ASPRV1: variants seen among roughly 807,000 people sequenced by gnomAD.
The protein encoded by ASPRV1 is aspartic peptidase retroviral like 1.
In ASPRV1, 7 loss-of-function variants were observed where a neutral mutation model predicts 11.0. The ratio of observed to expected loss-of-function variants is 0.64; its 90% CI spans 0.36 to 1.20. ASPRV1 has a LOEUF of 1.20. Among genes scored for constraint, ASPRV1 ranks in the 50% most tolerant of loss-of-function variants. The pLI is 0.02. For missense variants in ASPRV1, 299 were observed against 320.0 expected, an observed-to-expected ratio of 0.93 and a Z score of 0.50; for synonymous variants, 136 against 138.4, an observed-to-expected ratio of 0.98 and a Z score of 0.12.
At chr2:70,017,560 T>C in the ASPRV1 span, among the ~76,000 whole-genome samples, 4 of 152,030 alleles carry the variant, frequency 2.6e-5, no homozygotes, top group African/African-American at 9.7e-5. Flanking sequence ...GAGAAAGAAA[T>C]AAAATTTGTC....
At chr2:70,060,791 G>A in the ASPRV1 span, among the ~76,000 whole-genome samples, 2 of 152,212 alleles carry the variant, frequency 1.3e-5, no homozygotes, top group East Asian at 1.9e-4. Flanking sequence ...ACTCCAGCCC[G>A]GGCAACAAGA....
At chr2:69,997,975 T>C in the ASPRV1 span, 2 of 152,326 alleles carry the variant, frequency 1.3e-5, no homozygotes, top group Non-Finnish European at 2.9e-5. Context: ...TCTACTCCCA[T>C]TTTACAGTTG....
the ASPRV1 span, among the ~76,000 whole-genome samples, chr2:69,991,015 G>A: frequency 1.5e-4 from 23 of 152,256 alleles, no homozygotes; most frequent in Admixed American, 1.4e-3. Context: ...CTCCTCAAAC[G>A]TGGCCTGCTG....
At chr2:70,086,395 G>C in the ASPRV1 span, 1 of 152,276 alleles carries the variant, frequency 6.6e-6, no homozygotes, top group African/African-American at 2.4e-5. Flanking sequence ...GTCTGGCTTA[G>C]CCCAAGGAGG....
chr2:69,948,854 C>T, the ASPRV1 span, among the ~76,000 whole-genome samples: 1 of 152,128 alleles, frequency 6.6e-6, no homozygotes, highest in Non-Finnish European at 1.5e-5. Flanking sequence ...TCCCCCGCGG[C>T]GGGTCCCCAC....
chr2:69,955,459 C>T (rs1677916452), downstream of ASPRV1, among the ~76,000 whole-genome samples: 1 of 152,334 alleles, frequency 6.6e-6, no homozygotes, highest in African/African-American at 2.4e-5. Context: ...CCAATGGCCA[C>T]CCACACCTGG....
At chr2:70,086,509 A>AC in the ASPRV1 span, 2 of 151,466 alleles carry the variant, frequency 1.3e-5, no homozygotes, top group Non-Finnish European at 2.9e-5. Context: ...GCGGGCCCTG[A>AC]CGGGGCCGCC....
the ASPRV1 span, among the ~76,000 whole-genome samples, chr2:70,047,441 T>A: frequency 2.0e-5 from 3 of 152,214 alleles, no homozygotes; most frequent in Non-Finnish European, 4.4e-5. Flanking sequence ...AATGCCACCA[T>A]GAAACTGCCC....
chr2:70,031,175 T>G, the ASPRV1 span: 2 of 152,048 alleles, frequency 1.3e-5, no homozygotes, highest in Admixed American at 6.6e-5. Flanking sequence ...TATTTACTGG[T>G]TTTTTTCTAT....
At chr2:69,935,483 A>T in the ASPRV1 span, 2 of 1,528,814 alleles carry the variant, frequency 1.3e-6, no homozygotes, top group Non-Finnish European at 1.8e-6. Context: ...TATTGTTGGG[A>T]TGCTGCTTTA....
chr2:69,981,418 T>C, the ASPRV1 span, among the ~76,000 whole-genome samples: 1 of 152,248 alleles, frequency 6.6e-6, no homozygotes, highest in Non-Finnish European at 1.5e-5. Flanking sequence ...ATAAAATTTT[T>C]TAAACTATGT....
chr2:70,006,110 C>T, the ASPRV1 span, among the ~76,000 whole-genome samples: 3 of 152,206 alleles, frequency 2.0e-5, no homozygotes, highest in Non-Finnish European at 4.4e-5. Flanking sequence ...CATGCACATG[C>T]CCATGCCCAT....
downstream of ASPRV1, among the ~76,000 whole-genome samples, chr2:69,956,861 C>T (rs1572874078): frequency 2.6e-5 from 4 of 152,272 alleles, no homozygotes; most frequent in Admixed American, 2.6e-4. Flanking sequence ...AAACCCACAG[C>T]CCGAATCTCA....
the ASPRV1 span, among the ~76,000 whole-genome samples, chr2:70,018,718 C>CA: frequency 4.6e-5 from 7 of 152,136 alleles, no homozygotes; most frequent in African/African-American, 1.7e-4. Flanking sequence ...ACTGGATATT[C>CA]AAATACAGAA....
the ASPRV1 span, among the ~76,000 whole-genome samples, chr2:70,010,264 A>C: frequency 8.3e-4 from 126 of 152,248 alleles, 1 homozygote; most frequent in Non-Finnish European, 1.0e-3. Context: ...TGATAAGGGC[A>C]CAAGAGTCCA....
chr2:70,072,843 G>A, the ASPRV1 span, among the ~76,000 whole-genome samples: 2 of 150,568 alleles, frequency 1.3e-5, no homozygotes, highest in Non-Finnish European at 2.9e-5. Flanking sequence ...CTTGACCCCA[G>A]GAATTCGAGA....
the ASPRV1 span, among the ~76,000 whole-genome samples, chr2:70,010,926 T>C: frequency 6.6e-6 from 1 of 152,230 alleles, no homozygotes; most frequent in Non-Finnish European, 1.5e-5. Flanking sequence ...TCCCACAGCC[T>C]GCACAGAGCC....
At chr2:70,075,174 T>A in the ASPRV1 span, 1 of 149,092 alleles carries the variant, frequency 6.7e-6, no homozygotes, top group Non-Finnish European at 1.5e-5. Flanking sequence ...AGTGGCGCGA[T>A]CTCGGCTCAC....
the ASPRV1 span, among the ~76,000 whole-genome samples, chr2:70,086,784 C>G: frequency 6.6e-6 from 1 of 152,266 alleles, no homozygotes; most frequent in Non-Finnish European, 1.5e-5. Context: ...TGTAAATGGA[C>G]GCCATTCTTT....
Sources: gnomAD v4.1 joint callset for allele counts (sites outside exome capture counted in the v4.1 genomes callset) on GRCh38, gnomAD v4.1.1 for gene constraint, MANE v1.5 for transcripts, NCBI Gene and HGNC (gene_info 2026-07-23, HGNC 2026-07-21) for gene names.